Variants in GLIS1 observed in about 807,000 individuals in gnomAD.
The protein encoded by GLIS1 is GLIS family zinc finger 1, also known as zinc finger protein GLIS1.
GLIS1 carries 24 observed loss-of-function variants against 63.8 expected under a neutral mutation model. The observed-to-expected ratio is 0.38, with a 90% CI of 0.27 to 0.53. The LOEUF is 0.53. GLIS1 is among the 20% of genes least tolerant of loss of function. The probability of loss-of-function intolerance (pLI) is 0.85; values close to 1 mark genes in which losing one functional copy is unlikely to be tolerated. For missense variants in GLIS1, 1,036 were observed against 1,074.1 expected (o/e 0.96, Z 0.50); for synonymous variants, 450 against 482.5 (o/e 0.93, Z 0.88).
At chr1:53,612,804 A>G (rs977616207) in intron 2 of GLIS1, among the ~76,000 whole-genome samples, 10 of 144,542 alleles carry the variant, frequency 6.9e-5, no homozygotes, top group African/African-American at 2.5e-4. Context: ...TAGCTGTCTC[A>G]TTAGTTCTTT....
chr1:53,701,341 T>C (rs1646520702), intron 2 of GLIS1, among the ~76,000 whole-genome samples: 1 of 152,200 alleles, frequency 6.6e-6, no homozygotes, highest in Admixed American at 6.5e-5. Flanking sequence ...CATCTCATTG[T>C]GGGTTAGGCA....
chr1:53,628,737 A>T (rs895459071), intron 2 of GLIS1, among the ~76,000 whole-genome samples: 2 of 152,118 alleles, frequency 1.3e-5, no homozygotes, highest in African/African-American at 4.8e-5. Context: ...GGTGCTGATC[A>T]TCAGACTCAA....
intron 2 of GLIS1, among the ~76,000 whole-genome samples, chr1:53,633,981 A>T (rs74404589): frequency 0.011 from 1,608 of 152,280 alleles, 27 homozygotes; most frequent in African/African-American, 0.037. Flanking sequence ...TGGATTCCAG[A>T]TCCACTGTGA....
In GLIS1 at chr1:53,646,783, C is replaced by T. The variant is rs1645848870; in HGVS notation, c.260-46505G>A. Reference sequence around the variant, plus strand: ...AGAGATCACACCACTGCATTCCAGCCTGGGCAACAGAGCAAGACTCTGTCT... The same window carrying T: ...AGAGATCACACCACTGCATTCCAGCTTGGGCAACAGAGCAAGACTCTGTCT... On this transcript the variant is annotated intron_variant, in intron 2 of 10. Transcript: ENST00000628545. This position sits in a 1 kb window ranked among gnomAD's most constrained non-coding sequence, Gnocchi z 4.2. 6.6e-6 allele frequency among the ~76,000 whole-genome samples: 1 copy of T among 151,576 alleles called. No individual in the cohort carries two copies. The highest frequency in any genetic ancestry group is 2.1e-4 in the South Asian group (1 of 4,796).
chr1:53,522,753 A>T (rs1056130450), intron 6 of GLIS1, among the ~76,000 whole-genome samples: 6 of 151,994 alleles, frequency 3.9e-5, no homozygotes, highest in Non-Finnish European at 8.8e-5. Flanking sequence ...CTACAAAAAA[A>T]ATATATTAAA....
At chr1:53,564,425 A>G (rs938858914) in intron 4 of GLIS1, among the ~76,000 whole-genome samples, 2 of 152,232 alleles carry the variant, frequency 1.3e-5, no homozygotes, top group African/African-American at 4.8e-5. Context: ...CAAAAAAGGA[A>G]GCATAGGAAA....
At chr1:53,620,378 G>A (rs556822347) in intron 2 of GLIS1, among the ~76,000 whole-genome samples, 7 of 152,020 alleles carry the variant, frequency 4.6e-5, no homozygotes, top group Admixed American at 3.9e-4. Context: ...GAAAATGGGC[G>A]GGGGGGCCAC....
chr1:53,737,979 C>CCA lies in GLIS1; in HGVS notation c.85_86insTG (p.Ser29MetfsTer13). On this transcript the variant is annotated frameshift_variant, in exon 2 of 11. Coordinates refer to ENST00000628545, the MANE Select transcript of GLIS1 (RefSeq NM_001367484.1). LOFTEE classifies it high-confidence loss of function. ...CCTGAAGGCCATGTGCGCGCCGAGG[C>CCA]TGGCGGGGCCGCGGTCGGGGCCGGG... 3 of 1,230,370 alleles carry CCA rather than the reference C, an allele frequency of 2.4e-6. No homozygotes were observed. The highest frequency in any genetic ancestry group is 3.0e-6 in the Non-Finnish European group (3 of 987,042). 76.2% of individuals were successfully genotyped at this position (1,230,370 alleles called of 1,614,324 possible).
intron 2 of GLIS1, among the ~76,000 whole-genome samples, chr1:53,732,324 C>G (rs1004082347): frequency 6.6e-5 from 10 of 152,232 alleles, no homozygotes; most frequent in African/African-American, 2.4e-4. Flanking sequence ...CCTACCCAGC[C>G]CAGCCTTCGG....
At position 53,661,377 on chromosome 1, in the gene GLIS1, T is replaced by G. The variant is rs529304696; in HGVS notation, c.260-61099A>C. 6.6e-5 allele frequency among the ~76,000 whole-genome samples: 10 copies of G among 152,278 alleles called. No homozygotes were observed. The South Asian group carries it at 1.2e-3, about 19-fold the overall frequency. ...GGAGTTAAGAGGCAGGCTGGGCCCA[T>G]CACACGGCTTATTTGCCTAGTGATG... On this transcript the variant is annotated intron_variant, in intron 2 of 10. Coordinates refer to ENST00000628545, the MANE Select transcript of GLIS1 (RefSeq NM_001367484.1).
intron 2 of GLIS1, among the ~76,000 whole-genome samples, chr1:53,716,316 G>A (rs1646698039): frequency 1.3e-5 from 2 of 152,154 alleles, no homozygotes; most frequent in South Asian, 4.1e-4. Flanking sequence ...GAAGGTGCTT[G>A]GGGAGGTGTA....
chr1:53,686,773 G>A (rs1289062175), intron 2 of GLIS1, among the ~76,000 whole-genome samples: 1 of 151,944 alleles, frequency 6.6e-6, no homozygotes, highest in Non-Finnish European at 1.5e-5. Flanking sequence ...GCATGAGAAC[G>A]TGTGACGGGT....
intron 2 of GLIS1, among the ~76,000 whole-genome samples, chr1:53,666,383 T>C (rs1646091501): frequency 6.6e-6 from 1 of 152,178 alleles, no homozygotes; most frequent in South Asian, 2.1e-4. Flanking sequence ...TGCCTGTGCC[T>C]GTAACTGATA....
chr1:53,647,603 A>G (rs376741459), intron 2 of GLIS1, among the ~76,000 whole-genome samples: 7 of 152,206 alleles, frequency 4.6e-5, no homozygotes, highest in African/African-American at 1.7e-4. Context: ...TAAATGTAAA[A>G]CAGCCAAGCT....
rs549794466 is a variant in GLIS1, at chr1:53,529,875, C to A, written c.1398G>T (p.Pro466=). 3.1e-6 allele frequency: 5 copies of A among 1,613,904 alleles called. No homozygotes were observed. The highest frequency in any genetic ancestry group is 3.3e-5 in the Admixed American group (2 of 60,018). ...GGCAACCCGGGTGCTGGCACAGGTA[C>A]GGCTTCTCGCCCGTGTGGCTCCTCA... ...IHLRSHTGEK[P]YLCQHPGCQK... is the part of the protein sequence containing the mutation. The change falls in exon 5 of 11, where the codon CCG becomes CCT. Residue 466 remains proline, a synonymous_variant. Coordinates refer to ENST00000628545, the MANE Select transcript of GLIS1 (RefSeq NM_001367484.1).
Position 53,526,197 on chromosome 1 carries a change from A to T in GLIS1, c.1483-1310T>A, listed in dbSNP as rs921809976. On this transcript the variant is annotated intron_variant, in intron 5 of 10. Transcript: ENST00000628545. The surrounding 1 kb of genome is among the most constrained non-coding windows in gnomAD (Gnocchi z 4.4). ...GTGCCAGGGACTGCCATGTCCTGCC[A>T]GACACACCCACGTGGAACTGCCCCC... Among the ~76,000 whole-genome samples, 41 of 152,158 alleles carry T rather than the reference A, an allele frequency of 2.7e-4. No individual in the cohort carries two copies. The highest frequency in any genetic ancestry group is 9.9e-4 in the African/African-American group (41 of 41,432).
rs1553140194 is a variant in GLIS1 at position 53,709,405 on chromosome 1, T to TATATACAC, written c.259+28400_259+28401insGTGTATAT. On this transcript the variant is annotated intron_variant, in intron 2 of 10. Coordinates refer to ENST00000628545, the MANE Select transcript of GLIS1 (RefSeq NM_001367484.1). ...ATATACATATATATACATATACATA[T>TATATACAC]ATATATACACACACACACACACACA... 5.2e-3 allele frequency among the ~76,000 whole-genome samples: 606 copies of TATATACAC among 117,014 alleles called. 2 individuals carry two copies. Among genetic ancestry groups the TATATACAC allele is most frequent in the Non-Finnish European group, 6.9e-3 (423 of 61,344 alleles). The allele number at this position is 117,014 out of a possible 152,430, so 76.8% of individuals were successfully genotyped here.
chr1:53,543,438 A>G (rs1644664919), intron 4 of GLIS1, among the ~76,000 whole-genome samples: 1 of 152,152 alleles, frequency 6.6e-6, no homozygotes, highest in South Asian at 2.1e-4. Flanking sequence ...GCCTGAGCCC[A>G]GGGCCCCTGA....
intron 2 of GLIS1, among the ~76,000 whole-genome samples, chr1:53,679,785 C>A: frequency 6.6e-6 from 1 of 152,242 alleles, no homozygotes; most frequent in East Asian, 1.9e-4. Flanking sequence ...TGGAAAGCCC[C>A]TGTAGCATGC....
Sources: gnomAD v4.1 joint callset for allele counts (sites outside exome capture counted in the v4.1 genomes callset) on GRCh38, gnomAD v4.1.1 for gene constraint, Gnocchi (gnomAD v3.1) non-coding constraint, MANE v1.5 for transcripts, NCBI Gene and HGNC (gene_info 2026-07-23, HGNC 2026-07-21) for gene names.